Variants in KCNG4 observed in about 807,000 individuals in gnomAD.
The protein encoded by KCNG4 is voltage-gated potassium channel regulatory subunit KCNG4.
Under a neutral mutation model 28.2 loss-of-function variants are expected in KCNG4, and 30 were observed. The observed-to-expected ratio is 1.06, with a 90% confidence interval of 0.80 to 1.44. The LOEUF is 1.44. Among genes scored for constraint, KCNG4 ranks in the 40% most tolerant of loss-of-function variants. KCNG4 has a pLI of 0.00. For synonymous variants in KCNG4, 375 were observed against 315.5 expected (o/e 1.19, Z -2.00); for missense variants, 879 against 712.3 (o/e 1.23, Z -2.66).
At chr16:84,232,574 A>G (rs1029896976) in intron 2 of KCNG4, among the ~76,000 whole-genome samples, 4 of 152,114 alleles carry the variant, frequency 2.6e-5, no homozygotes, top group African/African-American at 7.2e-5. Context: ...AAGTTGCTCA[A>G]TTTCATGTTA....
chr16:84,229,544 A>G (rs1467855967), intron 2 of KCNG4, among the ~76,000 whole-genome samples: 1 of 152,260 alleles, frequency 6.6e-6, no homozygotes, highest in Non-Finnish European at 1.5e-5. Context: ...CCGCCATCCC[A>G]TCGCCTCTGT....
chr16:84,230,546 T>C (rs1904804990), intron 2 of KCNG4, among the ~76,000 whole-genome samples: 1 of 152,118 alleles, frequency 6.6e-6, no homozygotes, highest in African/African-American at 2.4e-5. Context: ...CACTCCAGCC[T>C]GGGTGACAGA....
rs201858900 is a variant in KCNG4 at position 84,236,823 on chromosome 16, C to T, written c.663G>A (p.Lys221=). 3 of 1,613,724 alleles carry T rather than the reference C, an allele frequency of 1.9e-6. No homozygotes were observed. The African/African-American group carries it at 4.0e-5, about 21-fold the overall frequency. Residue 221 remains lysine (K), a synonymous_variant, in exon 2 of 3, where the codon AAG becomes AAA. Transcript: ENST00000308251. ...AGAGGATGGAGAGGCAAGCGAAGACCTTCCCGGGCAGCCCGGACTGCGGGT... is the reference window on the plus strand; with the variant it reads ...AGAGGATGGAGAGGCAAGCGAAGACTTTCCCGGGCAGCCCGGACTGCGGGT... ...VENPQSGLPG[K]VFACLSILFV...
Position 84,222,313 on chromosome 16 carries a change from T to A in KCNG4, c.1464A>T (p.Glu488Asp), listed in dbSNP as rs779622770. Residue 488 changes from glutamate to aspartate, a missense_variant, in exon 3 of 3, where the codon GAA becomes GAT. Transcript: ENST00000308251. ...CACTGGCCACATGGGGGTCCAGGAG[T>A]TCACATTCACTGGCTGGACCGGTGT... is the stretch of plus-strand genomic sequence containing the variant. ...LQNTGPASECELLDPHVASEH... is the reference protein window; with the variant it reads ...LQNTGPASECDLLDPHVASEH... The A allele has an allele frequency of 1.2e-6, 2 of 1,613,640 alleles. No individual in the cohort carries two copies. Among genetic ancestry groups the A allele is most frequent in the Admixed American group, 1.7e-5 (1 of 59,964 alleles).
chr16:84,237,531 A>G lies in KCNG4; in HGVS notation c.-40-6T>C. 1 of 1,439,418 alleles carries G rather than the reference A, an allele frequency of 6.9e-7. No homozygotes were observed. The highest frequency in any genetic ancestry group is 9.1e-7 in the Non-Finnish European group (1 of 1,096,840). The allele number at this position is 1,439,418 out of a possible 1,614,324, so 89.2% of individuals were successfully genotyped here. On this transcript the variant is annotated splice_region_variant and splice_polypyrimidine_tract_variant and intron_variant, in intron 1 of 2. Transcript: ENST00000308251. Reference sequence around the variant, plus strand: ...GAAGCGCTGGGTTTACCAGTCTGACACCCAAGGGACAAAGAGCAAGCAAAA... The same window carrying G: ...GAAGCGCTGGGTTTACCAGTCTGACGCCCAAGGGACAAAGAGCAAGCAAAA...
In KCNG4 at chr16:84,222,370, C is replaced by G. The variant is rs1049857127; in HGVS notation, c.1407G>C (p.Glu469Asp). 6 of 1,614,034 alleles carry G rather than the reference C, an allele frequency of 3.7e-6. No homozygotes were observed. The Admixed American group carries it at 6.7e-5, about 18-fold the overall frequency. ...HSYLELKKEQ[E>D]QLQARLRHLQ... ...GGTGGCGGAGGCGGGCCTGAAGCTGCTCCTGCTCCTTCTTGAGCTCCAGGT... is the reference window on the plus strand; with the variant it reads ...GGTGGCGGAGGCGGGCCTGAAGCTGGTCCTGCTCCTTCTTGAGCTCCAGGT... The change falls in exon 3 of 3, where the codon GAG (glutamate) becomes GAC (aspartate). Residue 469 changes from glutamate (E) to aspartate (D), a missense_variant. Coordinates refer to ENST00000308251, the MANE Select transcript of KCNG4 (RefSeq NM_172347.3).
At position 84,222,987 on chromosome 16, in the gene KCNG4, T is replaced by C. The variant is rs1904615133; in HGVS notation, c.790A>G (p.Ile264Val). 6.5e-7 allele frequency: 1 copy of C among 1,543,266 alleles called. No homozygotes were observed. Residue 264 changes from isoleucine (I) to valine (V), a missense_variant, in exon 3 of 3, where the codon ATC becomes GTC. Ile to Val is a conservative substitution (Grantham distance 29, BLOSUM62 3). Coordinates refer to ENST00000308251, the MANE Select transcript of KCNG4 (RefSeq NM_172347.3). The part of the protein sequence containing the change: ...ECSRKCYYIF[I>V]VETICVAWFS... The stretch of plus-strand genomic sequence containing the variant: ...CAGGCCACGCAGATGGTCTCCACGA[T>C]GAAAATATAGTAGCACTTCCGAGAG...
chr16:84,236,437 G>T (rs1176664922), intron 2 of KCNG4: 2 of 462,310 alleles, frequency 4.3e-6, no homozygotes, highest in South Asian at 4.8e-5. Flanking sequence ...GCTGGGAGAG[G>T]TGACACTGTG....
chr16:84,230,444 C>T (rs1037660811), intron 2 of KCNG4, among the ~76,000 whole-genome samples: 22 of 136,528 alleles, frequency 1.6e-4, no homozygotes, highest in Middle Eastern at 4.2e-3. Flanking sequence ...TGGTGGTGGG[C>T]GCCTGTAGTC....
chr16:84,231,402 C>T (rs1304201342), intron 2 of KCNG4, among the ~76,000 whole-genome samples: 2 of 152,078 alleles, frequency 1.3e-5, no homozygotes, highest in Non-Finnish European at 2.9e-5. Context: ...AGACAGTCCA[C>T]TGCAGGTGGC....
At chr16:84,237,914 C>T (rs143464436) in intron 1 of KCNG4, among the ~76,000 whole-genome samples, 123 of 152,248 alleles carry the variant, frequency 8.1e-4, no homozygotes, top group African/African-American at 2.7e-3. Flanking sequence ...TGACAAGACT[C>T]ATACTAATCT....
chr16:84,220,836 C>G lies in KCNG4; in HGVS notation c.*1381G>C, dbSNP rs928161069. 2 of 152,320 alleles carry G rather than the reference C, an allele frequency of 1.3e-5. No individual in the cohort carries two copies. The highest frequency in any genetic ancestry group is 4.8e-5 in the African/African-American group (2 of 41,474). The allele number at this position is 152,320 out of a possible 1,614,324, so 9.4% of individuals were successfully genotyped here. A position where few individuals can be genotyped will look rare whatever the true frequency, so the allele number is the denominator to read the frequency against. Reference sequence around the variant, plus strand: ...TGGCTCAATGGCTCCTCATCCCAAACTGGGCTTCTCATGCCCAATCCAGCC... The same window carrying G: ...TGGCTCAATGGCTCCTCATCCCAAAGTGGGCTTCTCATGCCCAATCCAGCC... On this transcript the variant is annotated 3_prime_UTR_variant, in exon 3 of 3. Transcript: ENST00000308251.
chr16:84,224,310 T>G (rs980929792), intron 2 of KCNG4, among the ~76,000 whole-genome samples: 2 of 151,978 alleles, frequency 1.3e-5, no homozygotes, highest in African/African-American at 4.8e-5. Context: ...CTAATTTAAT[T>G]AATGTAGGTT....
At position 84,236,917 on chromosome 16, in the gene KCNG4, G is replaced by T. The variant is rs770440159; in HGVS notation, c.569C>A (p.Thr190Asn). The T allele has an allele frequency of 6.2e-7, 1 of 1,613,492 alleles. No individual in the cohort carries two copies. Among genetic ancestry groups the T allele is most frequent in the Non-Finnish European group, 8.5e-7 (1 of 1,180,018 alleles). Residue 190 changes from threonine (T) to asparagine (N), a missense_variant, in exon 2 of 3, where the codon ACC becomes AAC. By Grantham distance (65) the Thr-to-Asn change is moderately conservative. Coordinates refer to ENST00000308251, the MANE Select transcript of KCNG4 (RefSeq NM_172347.3). ...CGAGGAGTGCGAGGCGGGGCGGCGG[G>T]TCTCCCTCTGCTGCCTCAGTACGTC... is the stretch of plus-strand genomic sequence containing the variant. ...REDVLRQQRE[T>N]RRPASHSSRW...
rs1212868203 is a variant in KCNG4 at position 84,224,255 on chromosome 16, G to GAATGATGGTTGTCTTT, written c.757-1236_757-1235insAAAGACAACCATCATT. ...GGCTGCATGTTGGAATCACCTGGGG[G>GAATGATGGTTGTCTTT]TTCCTTGAAACATTCTGTTGCTTGG... is the stretch of plus-strand genomic sequence containing the variant. On this transcript the variant is annotated intron_variant, in intron 2 of 2. Coordinates refer to ENST00000308251, the MANE Select transcript of KCNG4 (RefSeq NM_172347.3). Among the ~76,000 whole-genome samples the GAATGATGGTTGTCTTT allele has an allele frequency of 1.6e-4, 25 of 152,308 alleles. No homozygotes were observed. In the East Asian group the frequency reaches 4.4e-3, roughly 27 times the overall value.
intron 2 of KCNG4, among the ~76,000 whole-genome samples, chr16:84,223,501 C>G (rs529053191): frequency 4.6e-5 from 7 of 152,280 alleles, no homozygotes; most frequent in Admixed American, 2.0e-4. Flanking sequence ...TGGCTTAAAA[C>G]TATTCTAGTT....
At chr16:84,231,941 T>G (rs368121751) in intron 2 of KCNG4, among the ~76,000 whole-genome samples, 2 of 147,644 alleles carry the variant, frequency 1.4e-5, no homozygotes, top group African/African-American at 5.0e-5. Context: ...GAGGAGGAGG[T>G]TGCAGTGAGC....
chr16:84,229,303 GA>G lies in KCNG4; in HGVS notation c.757-6284del, dbSNP rs199863982. Among the ~76,000 whole-genome samples, 1,390 of 139,624 alleles carry G rather than the reference GA, an allele frequency of 1.0e-2. 21 individuals are homozygous for G. The highest frequency in any genetic ancestry group is 0.034 in the African/African-American group (1,282 of 38,222). The allele number at this position is 139,624 out of a possible 152,430, so 91.6% of individuals were successfully genotyped here. A position where few individuals can be genotyped will look rare whatever the true frequency, so the allele number is the denominator to read the frequency against. On this transcript the variant is annotated intron_variant, in intron 2 of 2. Transcript: ENST00000308251. Reference sequence around the variant, plus strand: ...GCAAGACCCTGTCTCAAAAAAAAAAGAAAAAAAAAAAGCAGCTGCCACTGAG... The same window carrying G: ...GCAAGACCCTGTCTCAAAAAAAAAAGAAAAAAAAAAGCAGCTGCCACTGAG...
intron 2 of KCNG4, 189 bp downstream of exon 2, chr16:84,236,541 A>T (rs183862328): frequency 0.035 from 8,214 of 236,596 alleles, 35 homozygotes; most frequent in Non-Finnish European, 0.047. Context: ...GGACTCCAAT[A>T]AAAAAAAAAA....
Sources: allele counts gnomAD v4.1 joint callset (sites outside exome capture counted in the v4.1 genomes callset), GRCh38; gene constraint gnomAD v4.1.1; transcripts MANE v1.5; gene names NCBI Gene and HGNC (gene_info 2026-07-23, HGNC 2026-07-21).